The following SORCS3 variants were observed in gnomAD, a reference collection of about 807,000 sequenced individuals.
SORCS3 encodes VPS10 domain-containing receptor SorCS3.
Under a neutral mutation model 146.3 loss-of-function variants are expected in SORCS3, and 57 were observed. The ratio of observed to expected loss-of-function variants is 0.39; its 90% CI spans 0.31 to 0.49. SORCS3 has a LOEUF of 0.49. Among genes scored for constraint, SORCS3 ranks in the 20% least tolerant of loss-of-function variants. The pLI is 0.92. For synonymous variants in SORCS3, 653 were observed against 618.5 expected, an observed-to-expected ratio of 1.06 and a Z score of -0.83; for missense variants, 1,341 against 1,575.5, an observed-to-expected ratio of 0.85 and a Z score of 2.52.
At chr10:104,942,411 G>C (rs553626963) in intron 3 of SORCS3, among the ~76,000 whole-genome samples, 2 of 152,224 alleles carry the variant, frequency 1.3e-5, no homozygotes, top group South Asian at 4.2e-4. Flanking sequence ...AATTCTGTTA[G>C]ACAATAGGAG....
Position 104,998,285 on chromosome 10 carries a change from G to T in SORCS3, c.954+20792G>T, listed in dbSNP as rs111869551. On this transcript the variant is annotated intron_variant, in intron 4 of 26. Transcript: ENST00000369701. ...CCCAGATGTGTTATGTCGGGTGGAT[G>T]GCTTAACCTCTCTCAACCTGCCTCA... 7.1e-3 allele frequency among the ~76,000 whole-genome samples: 1,079 copies of T among 152,182 alleles called. 14 individuals carry two copies. Among genetic ancestry groups the T allele is most frequent in the African/African-American group, 0.023 (948 of 41,530 alleles).
Position 105,190,734 on chromosome 10 carries a change from A to C in SORCS3, c.2010-9265A>C, listed in dbSNP as rs191809396. ...ATTAATTATTATTGTTATTTGACTG[A>C]GATCTGCTGATCTACTGTTTGCAAA... On this transcript the variant is annotated intron_variant, in intron 14 of 26. Coordinates refer to ENST00000369701, the MANE Select transcript of SORCS3 (RefSeq NM_014978.3). 6.0e-3 allele frequency among the ~76,000 whole-genome samples: 910 copies of C among 152,284 alleles called. 4 individuals are homozygous for C. Among genetic ancestry groups the C allele is most frequent in the Non-Finnish European group, 1.0e-2 (677 of 68,030 alleles).
At chr10:104,991,180 GA>G (rs919801233) in intron 4 of SORCS3, among the ~76,000 whole-genome samples, 19 of 150,860 alleles carry the variant, frequency 1.3e-4, no homozygotes, top group South Asian at 4.2e-4. Context: ...CTTGCGGGTG[GA>G]AAAAAAAATG....
intron 19 of SORCS3, among the ~76,000 whole-genome samples, chr10:105,219,843 A>G (rs1465073038): frequency 6.6e-6 from 1 of 152,164 alleles, no homozygotes; most frequent in Non-Finnish European, 1.5e-5. Flanking sequence ...CAACCAATGT[A>G]TCTTACTGGC....
chr10:104,734,102 GT>G (rs2016740738), intron 1 of SORCS3, among the ~76,000 whole-genome samples: 1 of 152,178 alleles, frequency 6.6e-6, no homozygotes, highest in African/African-American at 2.4e-5. Context: ...GTAGATGTAT[GT>G]TGGGTTGGCT....
chr10:104,670,795 A>C (rs2015841750), intron 1 of SORCS3, among the ~76,000 whole-genome samples: 1 of 152,210 alleles, frequency 6.6e-6, no homozygotes, highest in South Asian at 2.1e-4. Flanking sequence ...GACAATATTA[A>C]GTCTCTCGTT....
chr10:104,889,258 T>C (rs1055033171), intron 2 of SORCS3, among the ~76,000 whole-genome samples: 1 of 151,212 alleles, frequency 6.6e-6, no homozygotes, highest in Non-Finnish European at 1.5e-5. Flanking sequence ...GTAGACATTT[T>C]ATATTTGTGG....
At chr10:105,048,751 T>C (rs2133708915) in intron 5 of SORCS3, among the ~76,000 whole-genome samples, 1 of 152,206 alleles carries the variant, frequency 6.6e-6, no homozygotes, top group South Asian at 2.1e-4. Flanking sequence ...AAGACAGTCT[T>C]TCCTTTCCAA....
In SORCS3 at chr10:105,126,539, C is replaced by T. The variant is rs548508269; in HGVS notation, c.1213-12858C>T. ...TAAGGCAGTGGGAGTATAAGTCACACTTATTTATAGATTACATACAACACT... is the reference window on the plus strand; with the variant it reads ...TAAGGCAGTGGGAGTATAAGTCACATTTATTTATAGATTACATACAACACT... On this transcript the variant is annotated intron_variant, in intron 7 of 26. Transcript: ENST00000369701. Among the ~76,000 whole-genome samples the T allele has an allele frequency of 3.9e-5, 6 of 152,266 alleles. No homozygotes were observed. In the South Asian group the frequency reaches 1.2e-3, roughly 32 times the overall value.
At chr10:104,898,844 C>A (rs192135956) in intron 2 of SORCS3, among the ~76,000 whole-genome samples, 1 of 152,144 alleles carries the variant, frequency 6.6e-6, no homozygotes, top group Admixed American at 6.5e-5. Context: ...CCCCCATCAC[C>A]CTGCTGGCTC....
chr10:105,126,595 G>A (rs2055975796), intron 7 of SORCS3, among the ~76,000 whole-genome samples: 1 of 152,178 alleles, frequency 6.6e-6, no homozygotes, highest in Admixed American at 6.5e-5. Flanking sequence ...GTGCATGTGT[G>A]TATGAATGTC....
intron 3 of SORCS3, among the ~76,000 whole-genome samples, chr10:104,925,815 C>A (rs2019139145): frequency 6.6e-6 from 1 of 152,216 alleles, no homozygotes; most frequent in Non-Finnish European, 1.5e-5. Flanking sequence ...TCAGTTACTA[C>A]AGCCTTAAAA....
At chr10:104,915,639 G>C (rs980159892) in intron 2 of SORCS3, among the ~76,000 whole-genome samples, 194 bp from the exon 3 acceptor site, 6 of 152,138 alleles carry the variant, frequency 3.9e-5, no homozygotes, top group African/African-American at 1.2e-4. Context: ...GCAAAGGGGA[G>C]CACGCTTAGG....
chr10:105,183,725 G>T (rs1385304165), intron 14 of SORCS3, among the ~76,000 whole-genome samples: 1 of 152,162 alleles, frequency 6.6e-6, no homozygotes, highest in Non-Finnish European at 1.5e-5. Flanking sequence ...GCAACTCAGA[G>T]GCACACTCTT....
intron 1 of SORCS3, among the ~76,000 whole-genome samples, chr10:104,756,067 A>G (rs537921427): frequency 1.3e-5 from 2 of 152,188 alleles, no homozygotes; most frequent in South Asian, 2.1e-4. Context: ...TGGTTTTCTC[A>G]TTTATAAAAT....
intron 6 of SORCS3, among the ~76,000 whole-genome samples, chr10:105,092,946 C>T (rs2055720439): frequency 6.6e-6 from 1 of 152,036 alleles, no homozygotes; most frequent in Non-Finnish European, 1.5e-5. Flanking sequence ...CACTTTTATT[C>T]AACATTATGC....
chr10:104,771,129 G>C (rs1005297714), intron 1 of SORCS3, among the ~76,000 whole-genome samples: 1 of 151,890 alleles, frequency 6.6e-6, no homozygotes, highest in Non-Finnish European at 1.5e-5. Context: ...TTTGCTCAAC[G>C]TGTGGTCCAA....
At chr10:104,727,697 C>T (rs971515657) in intron 1 of SORCS3, among the ~76,000 whole-genome samples, 1 of 151,964 alleles carries the variant, frequency 6.6e-6, no homozygotes, top group South Asian at 2.1e-4. Flanking sequence ...AGTATCAGTC[C>T]GTGGCCTGTT....
At chr10:104,807,108 T>G (rs2017686279) in intron 1 of SORCS3, among the ~76,000 whole-genome samples, 1 of 117,804 alleles carries the variant, frequency 8.5e-6, no homozygotes, top group South Asian at 2.6e-4. Flanking sequence ...CAGGAAGCAT[T>G]TTCAGACCCT....
Sources: allele counts gnomAD v4.1 joint callset (sites outside exome capture counted in the v4.1 genomes callset), GRCh38; gene constraint gnomAD v4.1.1; transcripts MANE v1.5; gene names NCBI Gene and HGNC (gene_info 2026-07-23, HGNC 2026-07-21).